Variants in MTHFD1L observed in about 807,000 individuals in gnomAD.
MTHFD1L encodes monofunctional C1-tetrahydrofolate synthase, mitochondrial.
In MTHFD1L, 81 loss-of-function variants were observed where a neutral mutation model predicts 119.5. The ratio of observed to expected loss-of-function variants is 0.68; its 90% CI spans 0.57 to 0.82. The LOEUF (loss-of-function observed/expected upper bound fraction) is 0.82, where lower values mean the gene tolerates loss of function less well. Ranked by LOEUF, MTHFD1L falls within the 40% of genes least tolerant of loss-of-function variation. MTHFD1L has a pLI of 0.00. For missense variants in MTHFD1L, 1,125 were observed against 1,253.4 expected, an observed-to-expected ratio of 0.90 and a Z score of 1.55; for synonymous variants, 430 against 475.2, an observed-to-expected ratio of 0.90 and a Z score of 1.24.
chr6:150,883,112 A>C (rs1781633448), intron 5 of MTHFD1L, among the ~76,000 whole-genome samples: 1 of 151,662 alleles, frequency 6.6e-6, no homozygotes, highest in South Asian at 2.1e-4. Flanking sequence ...GGCTCACCAC[A>C]ACCTCCATCT....
At chr6:151,030,988 C>T (rs1184537802) in intron 24 of MTHFD1L, among the ~76,000 whole-genome samples, 2 of 152,198 alleles carry the variant, frequency 1.3e-5, no homozygotes, top group African/African-American at 4.8e-5. Context: ...TGAGACCAGC[C>T]TGGGCAACAT....
chr6:150,994,095 A>AGAAAGAAAGAAAGAAAGAAAGAAAGAAAG (rs1562508913), intron 20 of MTHFD1L, among the ~76,000 whole-genome samples: 2 of 143,732 alleles, frequency 1.4e-5, no homozygotes, highest in African/African-American at 5.5e-5. Context: ...GAAAGAAAGA[A>AGAAAGAAAGAAAGAAAGAAAGAAAGAAAG]AGTGACCCAG....
chr6:150,883,006 A>C, intron 5 of MTHFD1L, 120 bp downstream of exon 5: 1 of 1,035,272 alleles, frequency 9.7e-7, no homozygotes. Flanking sequence ...TGGATAAAAA[A>C]ATCATTTTAA....
At chr6:150,894,940 T>C (rs1783968514) in intron 7 of MTHFD1L, among the ~76,000 whole-genome samples, 1 of 152,228 alleles carries the variant, frequency 6.6e-6, no homozygotes, top group Non-Finnish European at 1.5e-5. Flanking sequence ...GAGCATCTTT[T>C]CCAGGCTTGG....
intron 26 of MTHFD1L, among the ~76,000 whole-genome samples, chr6:151,074,391 A>C (rs2128622972): frequency 6.6e-6 from 1 of 152,370 alleles, no homozygotes; most frequent in Non-Finnish European, 1.5e-5. Flanking sequence ...TACTGCATAA[A>C]GCAAAAATAA....
chr6:150,989,643 T>C (rs1336797928), intron 20 of MTHFD1L, among the ~76,000 whole-genome samples: 2 of 152,240 alleles, frequency 1.3e-5, no homozygotes, highest in Non-Finnish European at 2.9e-5. Flanking sequence ...GAAAATGTCC[T>C]ACTTATACAT....
intron 26 of MTHFD1L, among the ~76,000 whole-genome samples, chr6:151,047,009 C>T (rs1788195475): frequency 6.6e-6 from 1 of 152,140 alleles, no homozygotes; most frequent in African/African-American, 2.4e-5. Flanking sequence ...CTGGAACTCG[C>T]GGCAGTTTAC....
At chr6:150,908,402 C>T (rs1003081665) in intron 8 of MTHFD1L, among the ~76,000 whole-genome samples, 2 of 151,608 alleles carry the variant, frequency 1.3e-5, no homozygotes, top group African/African-American at 4.8e-5. Context: ...GCAGGTGGAT[C>T]ACCTGAGGTC....
At position 150,918,578 on chromosome 6, in the gene MTHFD1L, G is replaced by A; in HGVS notation, c.894G>A (p.Gly298=). 6.2e-7 allele frequency: 1 copy of A among 1,612,424 alleles called. No homozygotes were observed. ...VLNCSHDFLS[G]KVGCGSPRIH... ...TTTTTTCCCTCCAATTTTTTACAGG[G>A]AAGGTTGGGTGTGGCTCTCCAAGAA... The change falls in exon 9 of 28, where the codon GGG becomes GGA. Residue 298 remains glycine (G), a splice_region_variant and synonymous_variant. Transcript: ENST00000367321.
chr6:151,025,232 C>G (rs1441182195), intron 24 of MTHFD1L, among the ~76,000 whole-genome samples: 1 of 152,238 alleles, frequency 6.6e-6, no homozygotes, highest in Non-Finnish European at 1.5e-5. Flanking sequence ...CGCGAGCCCA[C>G]AGGGCTCCAT....
At chr6:150,987,916 A>T (rs1192594939) in intron 20 of MTHFD1L, among the ~76,000 whole-genome samples, 1 of 152,238 alleles carries the variant, frequency 6.6e-6, no homozygotes, top group Non-Finnish European at 1.5e-5. Context: ...ATTAAATTTA[A>T]AAGGTAAAAC....
intron 7 of MTHFD1L, among the ~76,000 whole-genome samples, chr6:150,892,023 A>C (rs553742025): frequency 1.3e-4 from 20 of 151,542 alleles, no homozygotes; most frequent in African/African-American, 4.2e-4. Flanking sequence ...GCTTGGGTTA[A>C]GACAGCTCAG....
chr6:150,938,190 A>G (rs1412284116), intron 12 of MTHFD1L, among the ~76,000 whole-genome samples: 3 of 151,788 alleles, frequency 2.0e-5, no homozygotes, highest in Non-Finnish European at 1.5e-5. Flanking sequence ...GCTAATTTTT[A>G]TATTTTTAAT....
chr6:151,066,080 G>A (rs1236141929), intron 26 of MTHFD1L, among the ~76,000 whole-genome samples: 1 of 152,194 alleles, frequency 6.6e-6, no homozygotes, highest in African/African-American at 2.4e-5. Context: ...CATCAAAAGT[G>A]ATCTCCATAC....
At chr6:151,045,911 G>A (rs1298292000) in intron 26 of MTHFD1L, among the ~76,000 whole-genome samples, 1 of 152,188 alleles carries the variant, frequency 6.6e-6, no homozygotes. Flanking sequence ...TAGGGAAGGA[G>A]TCATCCCTGT....
chr6:150,898,898 C>T (rs908132101), intron 7 of MTHFD1L: 51 of 716,320 alleles, frequency 7.1e-5, no homozygotes, highest in East Asian at 1.0e-4. Context: ...AGTGCAGGCG[C>T]GTGATCTAGG....
At chr6:150,934,858 A>G in intron 11 of MTHFD1L, 3 of 1,355,862 alleles carry the variant, frequency 2.2e-6, no homozygotes. Flanking sequence ...TCTCATTTGG[A>G]CCCAAACTCC....
chr6:151,073,593 TAGA>T (rs1292018408), intron 26 of MTHFD1L, among the ~76,000 whole-genome samples: 1 of 151,862 alleles, frequency 6.6e-6, no homozygotes, highest in African/African-American at 2.4e-5. Flanking sequence ...TTTAAGAAAC[TAGA>T]AGAAGGATTT....
intron 1 of MTHFD1L, among the ~76,000 whole-genome samples, chr6:150,871,096 T>TTAATATATATA (rs918009810): frequency 6.9e-6 from 1 of 144,416 alleles, no homozygotes; most frequent in East Asian, 2.0e-4. Flanking sequence ...TATACACACC[T>TTAATATATATA]TAATATATAT....
Sources: allele counts gnomAD v4.1 joint callset (sites outside exome capture counted in the v4.1 genomes callset), GRCh38; gene constraint gnomAD v4.1.1; transcripts MANE v1.5; gene names NCBI Gene and HGNC (gene_info 2026-07-23, HGNC 2026-07-21).